The following CPNE4 variants were observed in gnomAD, a reference collection of about 807,000 sequenced individuals.
CPNE4 encodes the protein copine-4.
A neutral mutation model predicts 67.9 loss-of-function variants in CPNE4; 25 were observed. That is an observed-to-expected ratio of 0.37 (90% CI 0.27 to 0.51). The LOEUF (loss-of-function observed/expected upper bound fraction) is 0.51. Among genes scored for constraint, CPNE4 ranks in the 20% least tolerant of loss-of-function variants. The probability of loss-of-function intolerance (pLI) is 0.93; values close to 1 mark genes in which losing one functional copy is unlikely to be tolerated. For missense variants in CPNE4, 464 were observed against 690.8 expected, an observed-to-expected ratio of 0.67 and a Z score of 3.68; for synonymous variants, 242 against 244.9, an observed-to-expected ratio of 0.99 and a Z score of 0.11.
intron 3 of CPNE4, among the ~76,000 whole-genome samples, chr3:131,712,656 A>C (rs2081587622): frequency 6.6e-6 from 1 of 152,220 alleles, no homozygotes; most frequent in Non-Finnish European, 1.5e-5. Flanking sequence ...CTTTTTGGTT[A>C]TTAGACTTCA....
chr3:131,682,292 G>A (rs1437892703), intron 6 of CPNE4, among the ~76,000 whole-genome samples: 1 of 152,076 alleles, frequency 6.6e-6, no homozygotes, highest in Non-Finnish European at 1.5e-5. Flanking sequence ...GGCTTTCCAG[G>A]TATTCAAAGG....
intron 14 of CPNE4, among the ~76,000 whole-genome samples, chr3:131,547,293 A>C: frequency 6.6e-6 from 1 of 151,852 alleles, no homozygotes; most frequent in East Asian, 1.9e-4. Context: ...CACCTCTACA[A>C]AAAATATAAA....
chr3:131,834,795 C>T (rs751249841), intron 2 of CPNE4, among the ~76,000 whole-genome samples: 76 of 152,032 alleles, frequency 5.0e-4, no homozygotes, highest in Non-Finnish European at 8.7e-4. Context: ...AATTACTTGA[C>T]AGAAAATACA....
intron 2 of CPNE4, among the ~76,000 whole-genome samples, chr3:131,873,761 A>G (rs972317157): frequency 6.6e-6 from 1 of 152,178 alleles, no homozygotes; most frequent in Non-Finnish European, 1.5e-5. Flanking sequence ...TCACAGTGTG[A>G]TAAGAGATGC....
rs757121985 is a variant in CPNE4, at chr3:131,925,372, C to T, written c.-1-19928G>A. On this transcript the variant is annotated intron_variant, in intron 1 of 15. Coordinates refer to ENST00000429747, the MANE Select transcript of CPNE4 (RefSeq NM_130808.3). ...TGCTCTCCTAACACCCTGGGATCAC[C>T]GTGATGTCAGCACAGTTAGGTCATT... Among the ~76,000 whole-genome samples the T allele has an allele frequency of 3.9e-5, 6 of 152,108 alleles. No homozygotes were observed. The East Asian group carries it at 1.2e-3, about 29-fold the overall frequency.
chr3:131,638,993 C>A (rs377706935), intron 7 of CPNE4, among the ~76,000 whole-genome samples: 22 of 151,982 alleles, frequency 1.4e-4, no homozygotes, highest in East Asian at 7.7e-4. Flanking sequence ...CTATCAAAAC[C>A]TCTGGGATAG....
Position 131,876,765 on chromosome 3 carries a change from G to T in CPNE4, c.180+28499C>A, listed in dbSNP as rs150690398. On this transcript the variant is annotated intron_variant, in intron 2 of 15. Transcript: ENST00000429747. ...TTAATCTATGTAGTAACTGACAAAAGGTGGCAGGGCCTAATGAAGTGTGAG... is the reference window on the plus strand; with the variant it reads ...TTAATCTATGTAGTAACTGACAAAATGTGGCAGGGCCTAATGAAGTGTGAG... Among the ~76,000 whole-genome samples the T allele has an allele frequency of 2.1e-3, 313 of 152,234 alleles. 1 individual carries two copies. The highest frequency in any genetic ancestry group is 7.0e-3 in the African/African-American group (291 of 41,536).
chr3:131,839,248 T>G (rs1181528416), intron 2 of CPNE4, among the ~76,000 whole-genome samples: 1 of 151,848 alleles, frequency 6.6e-6, no homozygotes, highest in Admixed American at 6.6e-5. Context: ...TTTGAATAAT[T>G]AAAAAACCTA....
At chr3:131,760,130 A>T (rs2082851963) in intron 2 of CPNE4, among the ~76,000 whole-genome samples, 1 of 152,230 alleles carries the variant, frequency 6.6e-6, no homozygotes, top group Non-Finnish European at 1.5e-5. Flanking sequence ...AATCAATTCC[A>T]TCATTACTGG....
chr3:131,544,308 A>ATAGT (rs1348333288), intron 14 of CPNE4, among the ~76,000 whole-genome samples: 3 of 152,180 alleles, frequency 2.0e-5, no homozygotes, highest in African/African-American at 7.2e-5. Context: ...AATGTTGCAA[A>ATAGT]TAGTTTGGTA....
chr3:131,787,666 C>T (rs1275203353), intron 2 of CPNE4, among the ~76,000 whole-genome samples: 1 of 152,120 alleles, frequency 6.6e-6, no homozygotes, highest in Admixed American at 6.6e-5. Flanking sequence ...ACTGGCCATG[C>T]AATTTCATCA....
chr3:131,792,921 G>GTA (rs1280851099), intron 2 of CPNE4, among the ~76,000 whole-genome samples: 7 of 58,398 alleles, frequency 1.2e-4, no homozygotes, highest in Middle Eastern at 7.5e-3. Flanking sequence ...GTGTGTGTGT[G>GTA]TGTGTATCTC....
At chr3:131,706,671 C>T (rs1437112133) in intron 3 of CPNE4, among the ~76,000 whole-genome samples, 1 of 152,186 alleles carries the variant, frequency 6.6e-6, no homozygotes, top group African/African-American at 2.4e-5. Context: ...TCAACATAGA[C>T]TTTAAGACTC....
intron 1 of CPNE4, among the ~76,000 whole-genome samples, chr3:131,976,042 G>T (rs1225073): frequency 1.3e-5 from 2 of 150,670 alleles, no homozygotes; most frequent in Admixed American, 1.3e-4. Context: ...AAAAACTATA[G>T]GACTTTTTTT....
chr3:131,967,897 C>T (rs1159558586), intron 1 of CPNE4, among the ~76,000 whole-genome samples: 1 of 152,018 alleles, frequency 6.6e-6, no homozygotes, highest in Non-Finnish European at 1.5e-5. Context: ...CTTGTATAGC[C>T]AAGACAATCC....
At chr3:131,627,449 T>C (rs751331482) in intron 7 of CPNE4, among the ~76,000 whole-genome samples, 1 of 152,216 alleles carries the variant, frequency 6.6e-6, no homozygotes, top group East Asian at 1.9e-4. Context: ...AGATTCATTG[T>C]TGTTTTTGTG....
chr3:131,951,722 C>G (rs1378954160), intron 1 of CPNE4, among the ~76,000 whole-genome samples: 3 of 152,242 alleles, frequency 2.0e-5, no homozygotes, highest in Non-Finnish European at 2.9e-5. Context: ...GCCGCCACGC[C>G]TGACTGGTTT....
intron 1 of CPNE4, among the ~76,000 whole-genome samples, chr3:131,973,101 G>A (rs981150836): frequency 6.6e-6 from 1 of 152,142 alleles, no homozygotes; most frequent in South Asian, 2.1e-4. Context: ...GTGGGATTTA[G>A]CATAAACTCA....
intron 2 of CPNE4, among the ~76,000 whole-genome samples, chr3:131,835,399 C>T (rs1034014129): frequency 6.6e-6 from 1 of 151,996 alleles, no homozygotes. Flanking sequence ...CATGGTGGGG[C>T]GTGCCTGTAT....
Sources: allele counts gnomAD v4.1 joint callset (sites outside exome capture counted in the v4.1 genomes callset), GRCh38; gene constraint gnomAD v4.1.1; transcripts MANE v1.5; gene names NCBI Gene and HGNC (gene_info 2026-07-23, HGNC 2026-07-21).